EFEMP1: variants seen among roughly 807,000 people sequenced by gnomAD.
EFEMP1 encodes EGF-like fibulin extracellular matrix protein 1.
A neutral mutation model predicts 65.7 loss-of-function variants in EFEMP1; 18 were observed. The ratio of observed to expected loss-of-function variants is 0.27; its 90% CI spans 0.19 to 0.41. EFEMP1 has a LOEUF of 0.41. Among genes scored for constraint, EFEMP1 ranks in the 10% least tolerant of loss-of-function variants. The pLI is 1.00. For synonymous variants in EFEMP1, 237 were observed against 219.7 expected (o/e 1.08, Z -0.70); for missense variants, 469 against 624.8 (o/e 0.75, Z 2.66).
chr2:55,916,427 G>C (rs550602106), intron 5 of EFEMP1, among the ~76,000 whole-genome samples: 1 of 152,236 alleles, frequency 6.6e-6, no homozygotes, highest in Admixed American at 6.5e-5. Context: ...TCATTTTTAA[G>C]CCATTTAAAC....
At chr2:55,872,382 C>A (rs1339276455) in intron 9 of EFEMP1, among the ~76,000 whole-genome samples, 3 of 152,022 alleles carry the variant, frequency 2.0e-5, no homozygotes, top group Admixed American at 6.6e-5. Flanking sequence ...CTAGCTTAAC[C>A]CTTCTATTAG....
intron 5 of EFEMP1, among the ~76,000 whole-genome samples, chr2:55,895,529 G>A (rs1402968391): frequency 6.6e-6 from 1 of 151,240 alleles, no homozygotes; most frequent in Non-Finnish European, 1.5e-5. Flanking sequence ...TAGGACAGCT[G>A]TGTCCACAAA....
chr2:55,905,739 G>A (rs932572306), intron 5 of EFEMP1, among the ~76,000 whole-genome samples: 5 of 151,966 alleles, frequency 3.3e-5, no homozygotes, highest in African/African-American at 7.3e-5. Flanking sequence ...GTGAGCCACC[G>A]CGCCCAGCCT....
rs181731808 is a variant in EFEMP1 at position 55,898,964 on chromosome 2, C to T, written c.518-17230G>A. On this transcript the variant is annotated intron_variant, in intron 5 of 11. Transcript: ENST00000355426. The stretch of plus-strand genomic sequence containing the variant: ...ACTGTACGTATGGTAACTATGCTAG[C>T]AAGAGACATGAAAGGAGAGTTTGAT... 8.4e-4 allele frequency among the ~76,000 whole-genome samples: 128 copies of T among 152,258 alleles called. 1 individual carries two copies. The highest frequency in any genetic ancestry group is 1.0e-4 in the Non-Finnish European group (7 of 68,016).
intron 5 of EFEMP1, among the ~76,000 whole-genome samples, chr2:55,916,924 A>G (rs1318051515): frequency 6.6e-6 from 1 of 152,254 alleles, no homozygotes; most frequent in Non-Finnish European, 1.5e-5. Context: ...AGTGATGTGT[A>G]TGCTCTGTGA....
At chr2:55,909,639 C>A (rs996013305) in intron 5 of EFEMP1, among the ~76,000 whole-genome samples, 1 of 152,148 alleles carries the variant, frequency 6.6e-6, no homozygotes, top group Non-Finnish European at 1.5e-5. Context: ...CCCATTCCAG[C>A]GAGGAAACAG....
Position 55,883,145 on chromosome 2 carries a change from T to C in EFEMP1, c.518-1411A>G, listed in dbSNP as rs2104394738. Among the ~76,000 whole-genome samples, 1 of 152,314 alleles carries C rather than the reference T, an allele frequency of 6.6e-6. No homozygotes were observed. Among genetic ancestry groups the C allele is most frequent in the Non-Finnish European group, 1.5e-5 (1 of 68,024 alleles). On this transcript the variant is annotated intron_variant, in intron 5 of 11. Coordinates refer to ENST00000355426, the MANE Select transcript of EFEMP1 (RefSeq NM_001039348.3). The surrounding 1 kb of genome is among the most constrained non-coding windows in gnomAD (Gnocchi z 4.5). ...AAGAGGGAGGGGAGATGAAAAATAC[T>C]TGAGTGATGTATGGCTATTTATTGG...
At position 55,921,161 on chromosome 2, in the gene EFEMP1, T is replaced by C. The variant is rs1010685543; in HGVS notation, c.81+1199A>G. 4.6e-5 allele frequency among the ~76,000 whole-genome samples: 7 copies of C among 152,250 alleles called. No individual in the cohort carries two copies. The highest frequency in any genetic ancestry group is 1.3e-4 in the Admixed American group (2 of 15,282). On this transcript the variant is annotated intron_variant, in intron 3 of 11. Transcript: ENST00000355426. This position sits in a 1 kb window ranked among gnomAD's most constrained non-coding sequence, Gnocchi z 4.1. Reference sequence around the variant, plus strand: ...TAGCTCCCTGAGAAGGCAGTAAGTTTAGTCTGAATAACAAAACATTTTCAT... The same window carrying C: ...TAGCTCCCTGAGAAGGCAGTAAGTTCAGTCTGAATAACAAAACATTTTCAT...
rs1669097234 is a variant in EFEMP1 at position 55,877,883 on chromosome 2, C to A, written c.641-18G>T. On this transcript the variant is annotated intron_variant, in intron 6 of 11. Transcript: ENST00000355426. This position sits in a 1 kb window ranked among gnomAD's most constrained non-coding sequence, Gnocchi z 4.5. ...ATCTATGTCTAGGTTATCAGGCACA[C>A]ACACAAAGAGAACCAAATTATTGAA... 3 of 1,612,320 alleles carry A rather than the reference C, an allele frequency of 1.9e-6. No homozygotes were observed. The highest frequency in any genetic ancestry group is 1.7e-5 in the Admixed American group (1 of 59,946).
chr2:55,895,783 C>T (rs971146181), intron 5 of EFEMP1, among the ~76,000 whole-genome samples: 4 of 151,758 alleles, frequency 2.6e-5, no homozygotes, highest in Non-Finnish European at 5.9e-5. Flanking sequence ...CCTCGTGATC[C>T]GCCCGCCTTG....
chr2:55,897,153 C>T (rs1669858190), intron 5 of EFEMP1, among the ~76,000 whole-genome samples: 1 of 152,212 alleles, frequency 6.6e-6, no homozygotes, highest in Non-Finnish European at 1.5e-5. Context: ...TCCTCAGAGA[C>T]TGAGAACTCT....
At position 55,870,972 on chromosome 2, in the gene EFEMP1, C is replaced by G. The variant is rs374684475; in HGVS notation, c.1124+28G>C. On this transcript the variant is annotated intron_variant, in intron 10 of 11. Transcript: ENST00000355426. The surrounding 1 kb of genome is among the most constrained non-coding windows in gnomAD (Gnocchi z 5.8). ...TGGCTTGGTAAGACCAGAAAATCCTCACTTTCAAAAGTTCTGATTTTTCTT... is the reference window on the plus strand; with the variant it reads ...TGGCTTGGTAAGACCAGAAAATCCTGACTTTCAAAAGTTCTGATTTTTCTT... 1 of 1,613,698 alleles carries G rather than the reference C, an allele frequency of 6.2e-7. No individual in the cohort carries two copies. Among genetic ancestry groups the G allele is most frequent in the Non-Finnish European group, 8.5e-7 (1 of 1,179,764 alleles).
At chr2:55,907,741 G>A (rs929711497) in intron 5 of EFEMP1, among the ~76,000 whole-genome samples, 18 of 152,164 alleles carry the variant, frequency 1.2e-4, no homozygotes, top group Non-Finnish European at 2.5e-4. Flanking sequence ...TGGACCCCAT[G>A]AGTTGTTTCC....
At position 55,886,945 on chromosome 2, in the gene EFEMP1, G is replaced by T. The variant is rs939632278; in HGVS notation, c.518-5211C>A. Among the ~76,000 whole-genome samples the T allele has an allele frequency of 6.6e-6, 1 of 151,904 alleles. No homozygotes were observed. Among genetic ancestry groups the T allele is most frequent in the Non-Finnish European group, 1.5e-5 (1 of 67,978 alleles). On this transcript the variant is annotated intron_variant, in intron 5 of 11. Transcript: ENST00000355426. This position sits in a 1 kb window ranked among gnomAD's most constrained non-coding sequence, Gnocchi z 4.0. ...ATTATGTAGATTGAAATCTGATTTA[G>T]AAAAAAGTATATAATATTTTATACA...
intron 3 of EFEMP1, among the ~76,000 whole-genome samples, chr2:55,918,771 G>A (rs571643707): frequency 4.5e-4 from 66 of 145,888 alleles, no homozygotes; most frequent in African/African-American, 1.6e-3. Flanking sequence ...CAGCTCCTAA[G>A]GAACAGAGGT....
intron 5 of EFEMP1, among the ~76,000 whole-genome samples, chr2:55,895,206 C>A (rs560138288): frequency 8.5e-5 from 13 of 152,346 alleles, no homozygotes; most frequent in African/African-American, 2.9e-4. Context: ...CCAAGACCTG[C>A]CTGTGACTGT....
intron 5 of EFEMP1, among the ~76,000 whole-genome samples, chr2:55,908,091 C>T (rs1670348763): frequency 1.3e-5 from 2 of 152,128 alleles, no homozygotes; most frequent in Non-Finnish European, 2.9e-5. Context: ...TTATCTAGCT[C>T]CCCCGAGCTT....
At chr2:55,911,919 C>T (rs1572843796) in intron 5 of EFEMP1, among the ~76,000 whole-genome samples, 1 of 152,126 alleles carries the variant, frequency 6.6e-6, no homozygotes, top group Admixed American at 6.5e-5. Flanking sequence ...ATGGCTGCAG[C>T]ATATTGAAAA....
intron 9 of EFEMP1, among the ~76,000 whole-genome samples, chr2:55,872,559 A>G (rs1441562023): frequency 2.0e-5 from 3 of 152,132 alleles, no homozygotes; most frequent in African/African-American, 7.2e-5. Context: ...TCCACTTGAT[A>G]TGGATGAAAA....
Sources: allele counts gnomAD v4.1 joint callset (sites outside exome capture counted in the v4.1 genomes callset), GRCh38; gene constraint gnomAD v4.1.1; non-coding constraint Gnocchi (gnomAD v3.1); transcripts MANE v1.5; gene names NCBI Gene and HGNC (gene_info 2026-07-23, HGNC 2026-07-21).